The following FNDC3A variants were observed in gnomAD, a reference collection of about 807,000 sequenced individuals.
FNDC3A encodes the protein fibronectin type III domain containing 3A.
Under a neutral mutation model 148.9 loss-of-function variants are expected in FNDC3A, and 32 were observed. The ratio of observed to expected loss-of-function variants is 0.21; its 90% CI spans 0.16 to 0.29. The LOEUF is 0.29. Ranked by LOEUF, FNDC3A falls within the 10% of genes least tolerant of loss-of-function variation. FNDC3A has a pLI of 1.00. For synonymous variants in FNDC3A, 472 were observed against 473.6 expected, an observed-to-expected ratio of 1.00 and a Z score of 0.04; for missense variants, 1,191 against 1,452.8, an observed-to-expected ratio of 0.82 and a Z score of 2.93.
upstream of FNDC3A, chr13:48,975,498 T>A (rs557056780): frequency 1.5e-4 from 22 of 151,670 alleles, no homozygotes; most frequent in African/African-American, 4.4e-4. Context: ...TTGGGAGGAG[T>A]GTCTTTTAAA....
chr13:49,055,178 A>T (rs1030931297), intron 2 of FNDC3A, among the ~76,000 whole-genome samples: 31 of 151,210 alleles, frequency 2.1e-4, no homozygotes, highest in Non-Finnish European at 3.7e-4. Context: ...TTCGTGGCTC[A>T]CTTCAGCCTT....
rs555934804 is a variant in FNDC3A at position 49,205,004 on chromosome 13, A to G, written c.3282+1720A>G. ...AATCAGAATTTGTTTCTAAATCCAT[A>G]AAACTACATCAGGGCCTCATCACTT... On this transcript the variant is annotated intron_variant, in intron 25 of 25. Coordinates refer to ENST00000492622, the MANE Select transcript of FNDC3A (RefSeq NM_001079673.2). 1.2e-4 allele frequency among the ~76,000 whole-genome samples: 18 copies of G among 152,288 alleles called. No individual in the cohort carries two copies. The East Asian group carries it at 3.5e-3, about 29-fold the overall frequency.
At chr13:49,058,417 C>T (rs1384231484) in intron 2 of FNDC3A, among the ~76,000 whole-genome samples, 1 of 152,126 alleles carries the variant, frequency 6.6e-6, no homozygotes, top group Non-Finnish European at 1.5e-5. Context: ...GATTTCATTT[C>T]TGCCTTTTAG....
In FNDC3A at chr13:49,207,074, T is replaced by A. The variant is rs1453814218; in HGVS notation, c.3283-7T>A. On this transcript the variant is annotated splice_polypyrimidine_tract_variant and splice_region_variant and intron_variant, in intron 25 of 25. Coordinates refer to ENST00000492622, the MANE Select transcript of FNDC3A (RefSeq NM_001079673.2). ...CGTAATTCTTCCTTCTAATATTTTA[T>A]TAACAGATTTACAAGGGTCCCGACT... 1.9e-6 allele frequency: 3 copies of A among 1,597,876 alleles called. No homozygotes were observed. Among genetic ancestry groups the A allele is most frequent in the African/African-American group, 2.7e-5 (2 of 74,506 alleles).
chr13:49,191,175 C>A (rs765428718), intron 18 of FNDC3A, 34 bp from the exon 19 acceptor site: 1 of 1,604,424 alleles, frequency 6.2e-7, no homozygotes, highest in South Asian at 1.1e-5. Context: ...AAGTATTCGT[C>A]TTGTTAAATT....
intron 2 of FNDC3A, among the ~76,000 whole-genome samples, chr13:49,039,319 A>G (rs1194619761): frequency 6.6e-6 from 1 of 152,216 alleles, no homozygotes; most frequent in Non-Finnish European, 1.5e-5. Context: ...ATTGTACTAA[A>G]TGGTATCTCA....
chr13:49,081,735 C>T (rs1353483737), intron 3 of FNDC3A, among the ~76,000 whole-genome samples: 1 of 152,168 alleles, frequency 6.6e-6, no homozygotes, highest in African/African-American at 2.4e-5. Flanking sequence ...TCTACAAAAA[C>T]AAAGACCTTA....
intron 1 of FNDC3A, among the ~76,000 whole-genome samples, chr13:49,001,649 C>T (rs115173987): frequency 0.019 from 2,846 of 152,170 alleles, 92 homozygotes; most frequent in African/African-American, 0.063. Flanking sequence ...CTGTCTTTTA[C>T]GGTCAAAGCT....
intron 15 of FNDC3A, among the ~76,000 whole-genome samples, chr13:49,186,813 A>C (rs1885597175): frequency 6.6e-6 from 1 of 152,228 alleles, no homozygotes; most frequent in Non-Finnish European, 1.5e-5. Flanking sequence ...GGTTGCAGTG[A>C]GTCGAGATTG....
chr13:48,985,670 A>G (rs964992042), intron 1 of FNDC3A, among the ~76,000 whole-genome samples: 1 of 152,364 alleles, frequency 6.6e-6, no homozygotes, highest in Non-Finnish European at 1.5e-5. Flanking sequence ...AAAAAATACA[A>G]TACACAAAAG....
intron 8 of FNDC3A, among the ~76,000 whole-genome samples, chr13:49,160,752 C>T (rs1304550599): frequency 2.6e-5 from 4 of 151,566 alleles, no homozygotes; most frequent in African/African-American, 9.7e-5. Context: ...CTCTTGTGGG[C>T]ATTTAGTGCT....
rs976709862 is a variant in FNDC3A, at chr13:49,167,188, C to T, written c.978-56C>T. On this transcript the variant is annotated intron_variant, in intron 8 of 25. Transcript: ENST00000492622. ...TCTAAACTATAGTGTATATAATGTA[C>T]ATTGGTTGAAAATGCTTTATTTATC... The T allele has an allele frequency of 3.8e-6, 4 of 1,042,584 alleles. No homozygotes were observed. In the Admixed American group the frequency reaches 5.7e-5, roughly 15 times the overall value. 64.6% of individuals were successfully genotyped at this position (1,042,584 alleles called of 1,614,324 possible). A position where few individuals can be genotyped will look rare whatever the true frequency, so the allele number is the denominator to read the frequency against.
chr13:49,183,195 A>G (rs930978000), intron 14 of FNDC3A, among the ~76,000 whole-genome samples: 2 of 152,188 alleles, frequency 1.3e-5, no homozygotes, highest in Non-Finnish European at 2.9e-5. Flanking sequence ...GCTCTTATGT[A>G]CAGGGCTTTC....
intron 2 of FNDC3A, among the ~76,000 whole-genome samples, chr13:49,059,282 G>C (rs890567341): frequency 1.3e-5 from 2 of 152,108 alleles, no homozygotes; most frequent in Admixed American, 1.3e-4. Context: ...ACAACATAGG[G>C]GTAAATCTTC....
At chr13:49,087,818 A>T (rs764900589) in intron 3 of FNDC3A, among the ~76,000 whole-genome samples, 25 of 152,282 alleles carry the variant, frequency 1.6e-4, no homozygotes, top group Middle Eastern at 3.4e-3. Flanking sequence ...TTTTTATAAG[A>T]GGGGAAGTTG....
rs1478018849 is a variant in FNDC3A at position 49,114,708 on chromosome 13, G to A, written c.229G>A (p.Val77Met). The change falls in exon 4 of 26, where the codon GTG becomes ATG. Residue 77 changes from valine to methionine, a missense_variant. Physicochemically the swap from Val to Met is conservative, Grantham distance 21. Transcript: ENST00000492622. ...AAATGGTTCTGTGCCTCCTATCTAT[G>A]TGCCTCCTGGATATGCCCCACAGGT... Reference protein sequence around the residue: ...SPNGSVPPIYVPPGYAPQVIE... With the variant: ...SPNGSVPPIYMPPGYAPQVIE... 5 of 1,612,012 alleles carry A rather than the reference G, an allele frequency of 3.1e-6. No individual in the cohort carries two copies. The highest frequency in any genetic ancestry group is 1.7e-5 in the Admixed American group (1 of 59,982).
intron 2 of FNDC3A, among the ~76,000 whole-genome samples, chr13:49,012,805 A>ATGTGTGTGTGTGCGTG (rs1555277954): frequency 1.5e-5 from 2 of 134,524 alleles, no homozygotes; most frequent in African/African-American, 2.9e-5. Flanking sequence ...GCAATTATAA[A>ATGTGTGTGTGTGCGTG]TGTGTGTGTG....
At chr13:49,185,014 C>A (rs1233685137) in intron 14 of FNDC3A, among the ~76,000 whole-genome samples, 1 of 151,842 alleles carries the variant, frequency 6.6e-6, no homozygotes, top group Non-Finnish European at 1.5e-5. Context: ...TTTTTTGGGG[C>A]AGTTTGTCTC....
At chr13:49,189,547 G>GTT (rs201650054) in intron 17 of FNDC3A, among the ~76,000 whole-genome samples, 1 of 148,164 alleles carries the variant, frequency 6.7e-6, no homozygotes, top group African/African-American at 2.5e-5. Context: ...TAATTGCTGG[G>GTT]TTTTTTTTTT....
Sources: gnomAD v4.1 joint callset for allele counts (sites outside exome capture counted in the v4.1 genomes callset) on GRCh38, gnomAD v4.1.1 for gene constraint, MANE v1.5 for transcripts, NCBI Gene and HGNC (gene_info 2026-07-23, HGNC 2026-07-21) for gene names.